The following MARCHF1 variants were observed in gnomAD, a reference collection of about 807,000 sequenced individuals.
MARCHF1 encodes E3 ubiquitin-protein ligase MARCHF1.
Under a neutral mutation model 54.2 loss-of-function variants are expected in MARCHF1, and 40 were observed. The ratio of observed to expected loss-of-function variants is 0.74; its 90% CI spans 0.57 to 0.96. The LOEUF is 0.96. MARCHF1 is among the 40% of genes least tolerant of loss of function. The probability of loss-of-function intolerance (pLI) is 0.00; values close to 1 mark genes in which losing one functional copy is unlikely to be tolerated. For missense variants in MARCHF1, 586 were observed against 656.5 expected, an observed-to-expected ratio of 0.89 and a Z score of 1.17; for synonymous variants, 236 against 236.3, an observed-to-expected ratio of 1.00 and a Z score of 0.01.
At chr4:163,637,289 T>C (rs1742370276) in intron 5 of MARCHF1, among the ~76,000 whole-genome samples, 1 of 152,118 alleles carries the variant, frequency 6.6e-6, no homozygotes, top group South Asian at 2.1e-4. Context: ...CAAAAGAAAC[T>C]ACCATCAGAG....
At chr4:163,717,277 G>C (rs1208015855) in intron 4 of MARCHF1, among the ~76,000 whole-genome samples, 1 of 150,974 alleles carries the variant, frequency 6.6e-6, no homozygotes, top group Non-Finnish European at 1.5e-5. Context: ...ATAGTTTGCT[G>C]AGAATGATGG....
intron 2 of MARCHF1, among the ~76,000 whole-genome samples, chr4:164,054,905 G>C (rs952235742): frequency 6.6e-6 from 1 of 151,586 alleles, no homozygotes; most frequent in African/African-American, 2.4e-5. Flanking sequence ...ATGTGCACAT[G>C]TACCCTAAAA....
chr4:164,342,582 C>T (rs1010744854), intron 1 of MARCHF1, among the ~76,000 whole-genome samples: 2 of 151,176 alleles, frequency 1.3e-5, no homozygotes, highest in African/African-American at 4.9e-5. Context: ...ATAAATAAAA[C>T]TACAATATAA....
intron 1 of MARCHF1, chr4:164,197,142 C>T: frequency 6.2e-7 from 1 of 1,606,196 alleles, no homozygotes; most frequent in Non-Finnish European, 8.5e-7. Context: ...CTTCCTCCTC[C>T]TCCTCCTCGC....
chr4:164,261,562 T>C (rs1733464949), intron 1 of MARCHF1, among the ~76,000 whole-genome samples: 1 of 152,158 alleles, frequency 6.6e-6, no homozygotes, highest in African/African-American at 2.4e-5. Flanking sequence ...TGGCTATGTT[T>C]CTGACATCCT....
chr4:163,653,608 T>G (rs1039239450), intron 5 of MARCHF1, among the ~76,000 whole-genome samples: 2 of 151,630 alleles, frequency 1.3e-5, no homozygotes, highest in African/African-American at 4.8e-5. Flanking sequence ...CAAGTTTATG[T>G]AATTTGCTGG....
chr4:164,368,970 C>G (rs774386969), intron 1 of MARCHF1, among the ~76,000 whole-genome samples: 3 of 152,200 alleles, frequency 2.0e-5, no homozygotes, highest in Non-Finnish European at 4.4e-5. Context: ...GGAGTTCTGA[C>G]TGGACAGAGG....
chr4:164,015,255 A>G (rs1384165438), intron 2 of MARCHF1, among the ~76,000 whole-genome samples: 1 of 152,226 alleles, frequency 6.6e-6, no homozygotes. Flanking sequence ...ATCCATATGC[A>G]GAAAAATGAA....
At chr4:164,310,621 T>C (rs1734825478) in intron 1 of MARCHF1, among the ~76,000 whole-genome samples, 1 of 144,156 alleles carries the variant, frequency 6.9e-6, no homozygotes, top group Non-Finnish European at 1.5e-5. Flanking sequence ...AATTTATTTC[T>C]AGTAGTGAAT....
intron 1 of MARCHF1, among the ~76,000 whole-genome samples, chr4:164,346,453 TACTTAGTCTTTAA>T (rs1338011950): frequency 6.6e-6 from 1 of 151,966 alleles, no homozygotes; most frequent in Non-Finnish European, 1.5e-5. Context: ...TGATTGCATA[TACTTAGTCTTTAA>T]AGAATACATC....
chr4:164,347,629 A>G (rs542157240), intron 1 of MARCHF1, among the ~76,000 whole-genome samples: 1 of 152,316 alleles, frequency 6.6e-6, no homozygotes, highest in African/African-American at 2.4e-5. Flanking sequence ...AGAATAATCA[A>G]AACATTCCTA....
At chr4:163,991,412 C>T (rs1242445567) in intron 2 of MARCHF1, among the ~76,000 whole-genome samples, 1 of 152,124 alleles carries the variant, frequency 6.6e-6, no homozygotes, top group East Asian at 1.9e-4. Flanking sequence ...CTTGCACTTA[C>T]CTAATACCTT....
chr4:164,375,778 CCTCT>C (rs922173279), intron 1 of MARCHF1, among the ~76,000 whole-genome samples: 3 of 152,204 alleles, frequency 2.0e-5, no homozygotes, highest in African/African-American at 4.8e-5. Context: ...CATCACACTC[CCTCT>C]GACTGTGAGT....
intron 2 of MARCHF1, among the ~76,000 whole-genome samples, chr4:163,999,978 T>C (rs943798131): frequency 1.9e-4 from 29 of 151,806 alleles, no homozygotes; most frequent in African/African-American, 6.0e-4. Context: ...AGAATGCAGA[T>C]CAAATATGAT....
intron 4 of MARCHF1, among the ~76,000 whole-genome samples, chr4:163,713,496 T>C (rs1398040001): frequency 6.6e-6 from 1 of 152,156 alleles, no homozygotes; most frequent in Non-Finnish European, 1.5e-5. Context: ...ATTAAATAAG[T>C]AAATGGGATT....
intron 2 of MARCHF1, among the ~76,000 whole-genome samples, chr4:164,016,318 TC>T (rs1235842821): frequency 2.0e-5 from 3 of 151,974 alleles, no homozygotes; most frequent in African/African-American, 7.3e-5. Context: ...AGCCATCAGA[TC>T]TCATGAGAAC....
intron 3 of MARCHF1, among the ~76,000 whole-genome samples, chr4:163,884,283 G>A (rs1579364370): frequency 6.6e-6 from 1 of 151,674 alleles, no homozygotes; most frequent in East Asian, 1.9e-4. Context: ...AAAGGGGAAG[G>A]GATTCTGATA....
chr4:164,259,555 A>AAT (rs1560977837), intron 1 of MARCHF1, among the ~76,000 whole-genome samples: 10 of 139,632 alleles, frequency 7.2e-5, no homozygotes, highest in African/African-American at 2.9e-4. Flanking sequence ...AAAAAAAAAA[A>AAT]AAAAAAAAAA....
At chr4:163,829,798 A>G (rs1748966388) in intron 4 of MARCHF1, among the ~76,000 whole-genome samples, 1 of 152,248 alleles carries the variant, frequency 6.6e-6, no homozygotes, top group Non-Finnish European at 1.5e-5. Context: ...GAATGTGAAC[A>G]GCTATGTGAA....
Sources: allele counts gnomAD v4.1 joint callset (sites outside exome capture counted in the v4.1 genomes callset), GRCh38; gene constraint gnomAD v4.1.1; transcripts MANE v1.5; gene names NCBI Gene and HGNC (gene_info 2026-07-23, HGNC 2026-07-21).